The following GAA variants were observed in gnomAD, a reference collection of about 807,000 sequenced individuals.
GAA encodes the protein alpha glucosidase, also known as lysosomal alpha-glucosidase.
Under a neutral mutation model 103.9 loss-of-function variants are expected in GAA, and 88 were observed. The ratio of observed to expected loss-of-function variants is 0.85; its 90% CI spans 0.71 to 1.01. GAA has a LOEUF of 1.01. Among genes scored for constraint, GAA ranks in the 50% least tolerant of loss-of-function variants. The probability of loss-of-function intolerance (pLI) is 0.00; values close to 1 mark genes in which losing one functional copy is unlikely to be tolerated. For synonymous variants in GAA, 572 were observed against 563.1 expected (o/e 1.02, Z -0.22); for missense variants, 1,350 against 1,305.3 (o/e 1.03, Z -0.53).
chr17:80,110,531 G>T (rs1320351731), intron 9 of GAA, among the ~76,000 whole-genome samples, 196 bp from the exon 10 acceptor site: 2 of 152,372 alleles, frequency 1.3e-5, no homozygotes, highest in Non-Finnish European at 2.9e-5. Context: ...CAGGGTTGAG[G>T]CCCCTTGGCC....
In GAA at chr17:80,110,926, G is replaced by A; in HGVS notation, c.1552-15G>A. On this transcript the variant is annotated splice_polypyrimidine_tract_variant and intron_variant, in intron 10 of 19. Coordinates refer to ENST00000302262, the MANE Select transcript of GAA (RefSeq NM_000152.5). The stretch of plus-strand genomic sequence containing the variant: ...CTCTGGGCAGAGTCACCTACCAGCA[G>A]CGCTTCTCTTGCAGGACATGAACGA... The A allele has an allele frequency of 6.2e-7, 1 of 1,613,914 alleles. No homozygotes were observed. The highest frequency in any genetic ancestry group is 8.5e-7 in the Non-Finnish European group (1 of 1,179,940).
rs1344266804 is a variant in GAA at position 80,117,675 on chromosome 17, C to T, written c.2407C>T (p.Gln803Ter). 3.7e-6 allele frequency: 6 copies of T among 1,612,626 alleles called. No homozygotes were observed. Among genetic ancestry groups the T allele is most frequent in the African/African-American group, 2.7e-5 (2 of 74,916 alleles). ...TGAGCCAGCCATCCACAGCGAGGGGCAGTGGGTGACGCTGCCGGCCCCCCT... is the reference window on the plus strand; with the variant it reads ...TGAGCCAGCCATCCACAGCGAGGGGTAGTGGGTGACGCTGCCGGCCCCCCT... ...PREPAIHSEG[Q>*]WVTLPAPLDT... Residue 803 changes from glutamine (Q) to a stop codon, truncating the protein, a stop_gained, in exon 17 of 20, where the codon CAG becomes TAG. Coordinates refer to ENST00000302262, the MANE Select transcript of GAA (RefSeq NM_000152.5). LOFTEE classifies it high-confidence loss of function.
intron 15 of GAA, among the ~76,000 whole-genome samples, chr17:80,115,315 A>G (rs1046218540): frequency 6.6e-6 from 1 of 152,056 alleles, no homozygotes; most frequent in African/African-American, 2.4e-5. Flanking sequence ...CCTGTCTTCA[A>G]GGTCACTGAT....
In GAA at chr17:80,113,305, T is replaced by C; in HGVS notation, c.2128T>C (p.Tyr710His). The C allele has an allele frequency of 6.3e-7, 1 of 1,599,322 alleles. No homozygotes were observed. Among genetic ancestry groups the C allele is most frequent in the Non-Finnish European group, 8.5e-7 (1 of 1,173,260 alleles). ...GCGCTACGCACTCCTCCCCCACCTC[T>C]ACACACTGTTCCACCAGGCCCACGT... is the stretch of plus-strand genomic sequence containing the variant. The part of the protein sequence containing the change: ...TLRYALLPHL[Y>H]TLFHQAHVAG... The change falls in exon 15 of 20, where the codon TAC (tyrosine) becomes CAC (histidine). Residue 710 changes from tyrosine (Y) to histidine (H), a missense_variant. Physicochemically the swap from Tyr to His is moderately conservative, Grantham distance 83. Coordinates refer to ENST00000302262, the MANE Select transcript of GAA (RefSeq NM_000152.5).
rs1160583761 is a variant in GAA at position 80,111,017 on chromosome 17, A to G, written c.1628A>G (p.Tyr543Cys). The change falls in exon 11 of 20, where the codon TAC becomes TGC. Residue 543 changes from tyrosine (Y) to cysteine (C), a missense_variant. Transcript: ENST00000302262. ...CPNNELENPP[Y>C]VPGVVGGTLQ... ...AACAATGAGCTGGAGAACCCACCCT[A>G]CGTGCCTGGTCAGCTCGCCCCCCAC... 5 of 1,613,722 alleles carry G rather than the reference A, an allele frequency of 3.1e-6. No homozygotes were observed. The highest frequency in any genetic ancestry group is 1.3e-5 in the African/African-American group (1 of 75,014).
intron 17 of GAA, 66 bp from the exon 18 acceptor site, chr17:80,118,127 G>A (rs570992350): frequency 5.7e-5 from 89 of 1,561,792 alleles, no homozygotes; most frequent in Non-Finnish European, 6.9e-5. Flanking sequence ...TAGCATTCCC[G>A]GGCCCTGGAG....
At chr17:80,116,896 C>T in intron 15 of GAA, 72 bp from the exon 16 acceptor site, 1 of 1,568,730 alleles carries the variant, frequency 6.4e-7, no homozygotes, top group Non-Finnish European at 8.8e-7. Flanking sequence ...CCTGTGCCTC[C>T]CCAGGGTGGG....
Position 80,118,649 on chromosome 17 carries a change from C to T in GAA, c.2647-4C>T, listed in dbSNP as rs1241825088. 11 of 1,611,916 alleles carry T rather than the reference C, an allele frequency of 6.8e-6. No individual in the cohort carries two copies. Among genetic ancestry groups the T allele is most frequent in the Non-Finnish European group, 9.3e-6 (11 of 1,179,998 alleles). ...GCCTTTTCATCTCTCTCTGCTCGGC[C>T]CAGAACACGATCGTGAATGAGCTGG... On this transcript the variant is annotated splice_polypyrimidine_tract_variant and splice_region_variant and intron_variant, in intron 18 of 19. Coordinates refer to ENST00000302262, the MANE Select transcript of GAA (RefSeq NM_000152.5).
chr17:80,110,614 T>C, intron 9 of GAA, 113 bp from the exon 10 acceptor site: 1 of 840,622 alleles, frequency 1.2e-6, no homozygotes, highest in Non-Finnish European at 2.0e-6. Flanking sequence ...TTTGCAAATG[T>C]GGGCGTCCAC....
chr17:80,111,130 C>G, intron 11 of GAA, 105 bp downstream of exon 11: 20 of 832,082 alleles, frequency 2.4e-5, no homozygotes, highest in East Asian at 3.4e-5. Context: ...GATGGGCCAG[C>G]GGGGAAAGGG....
chr17:80,107,707 G>T lies in GAA; in HGVS notation c.843G>T (p.Arg281=). ...GGACCAGGATCACCCTGTGGAACCG[G>T]GACCTTGCGCCCACGGTACAGCGGC... ...TSWTRITLWN[R]DLAPTPGANL... is the part of the protein sequence containing the mutation. Residue 281 remains arginine (R), a synonymous_variant, in exon 4 of 20, where the codon CGG becomes CGT. Coordinates refer to ENST00000302262, the MANE Select transcript of GAA (RefSeq NM_000152.5). 1 of 1,610,132 alleles carries T rather than the reference G, an allele frequency of 6.2e-7. No homozygotes were observed. The highest frequency in any genetic ancestry group is 1.1e-5 in the South Asian group (1 of 90,964).
intron 3 of GAA, 84 bp downstream of exon 3, chr17:80,105,978 C>A: frequency 6.7e-7 from 1 of 1,493,924 alleles, no homozygotes; most frequent in Non-Finnish European, 9.0e-7. Context: ...GCGTTTGTTT[C>A]TCACACGATG....
chr17:80,105,642 C>T, intron 2 of GAA, 107 bp from the exon 3 acceptor site: 1 of 1,338,608 alleles, frequency 7.5e-7, no homozygotes, highest in Non-Finnish European at 1.1e-6. Flanking sequence ...CATGGTCCCA[C>T]ATCCATGTGT....
chr17:80,119,211 C>G, intron 19 of GAA, 61 bp from the exon 20 acceptor site: 1 of 1,517,760 alleles, frequency 6.6e-7, no homozygotes, highest in Non-Finnish European at 9.2e-7. Flanking sequence ...GCCTTCTGAG[C>G]GCTGGGGTCT....
intron 13 of GAA, 46 bp downstream of exon 13, chr17:80,112,757 G>A (rs1334033083): frequency 5.0e-6 from 8 of 1,587,024 alleles, no homozygotes; most frequent in South Asian, 1.1e-5. Flanking sequence ...AGAGCCGGGG[G>A]CCTCTATGGG....
chr17:80,109,929 G>A lies in GAA; in HGVS notation c.1327-16G>A, dbSNP rs1378637239. 1 of 1,607,894 alleles carries A rather than the reference G, an allele frequency of 6.2e-7. No individual in the cohort carries two copies. Among genetic ancestry groups the A allele is most frequent in the Admixed American group, 1.7e-5 (1 of 59,954 alleles). On this transcript the variant is annotated splice_polypyrimidine_tract_variant and intron_variant, in intron 8 of 19. Transcript: ENST00000302262. Reference sequence around the variant, plus strand: ...CTCTGGGCCACCCTCACCTTGACAGGTTTCCCTCTTCCCAGGATCCTGCCA... The same window carrying A: ...CTCTGGGCCACCCTCACCTTGACAGATTTCCCTCTTCCCAGGATCCTGCCA...
chr17:80,111,943 G>A lies in GAA; in HGVS notation c.1637-40G>A, dbSNP rs764042017. The A allele has an allele frequency of 1.5e-5, 23 of 1,566,188 alleles. No individual in the cohort carries two copies. The highest frequency in any genetic ancestry group is 1.0e-4 in the South Asian group (9 of 90,236). On this transcript the variant is annotated intron_variant, in intron 11 of 19. Transcript: ENST00000302262. ...CAGGGAGGGCACCTTGGAGCCTGCCGGGAGGAAGCTCCCTGGAAACCAGCC... is the reference window on the plus strand; with the variant it reads ...CAGGGAGGGCACCTTGGAGCCTGCCAGGAGGAAGCTCCCTGGAAACCAGCC...
rs1472566335 is a variant in GAA, at chr17:80,104,813, G to GAGC, written c.230_232dup (p.Ala77dup). 9.3e-6 allele frequency: 15 copies of GAGC among 1,612,256 alleles called. No individual in the cohort carries two copies. Among genetic ancestry groups the GAGC allele is most frequent in the African/African-American group, 2.7e-5 (2 of 74,906 alleles). On this transcript the variant is annotated inframe_insertion, in exon 2 of 20. Transcript: ENST00000302262. This position sits in a 1 kb window ranked among gnomAD's most constrained non-coding sequence, Gnocchi z 4.0. ...GCCCAGGCACACCCCGGCCGTCCCA[G>GAGC]AGCAGTGCCCACACAGTGCGACGTC...
chr17:80,113,236 T>C lies in GAA; in HGVS notation c.2059T>C (p.Phe687Leu). 1 of 1,602,122 alleles carries C rather than the reference T, an allele frequency of 6.2e-7. No homozygotes were observed. The highest frequency in any genetic ancestry group is 8.5e-7 in the Non-Finnish European group (1 of 1,175,542). Reference protein sequence around the residue: ...LLSLPQEPYSFSEPAQQAMRK... With the variant: ...LLSLPQEPYSLSEPAQQAMRK... ...CCTGCAGCCCCAGGAGCCGTACAGC[T>C]TCAGCGAGCCGGCCCAGCAGGCCAT... The change falls in exon 15 of 20, where the codon TTC becomes CTC. Residue 687 changes from phenylalanine to leucine, a missense_variant. Coordinates refer to ENST00000302262, the MANE Select transcript of GAA (RefSeq NM_000152.5).
Sources: gnomAD v4.1 joint callset for allele counts (sites outside exome capture counted in the v4.1 genomes callset) on GRCh38, gnomAD v4.1.1 for gene constraint, Gnocchi (gnomAD v3.1) non-coding constraint, MANE v1.5 for transcripts, NCBI Gene and HGNC (gene_info 2026-07-23, HGNC 2026-07-21) for gene names.